The following FNBP4 variants were observed in gnomAD, a reference collection of about 807,000 sequenced individuals.
The protein encoded by FNBP4 is formin binding protein 4.
Under a neutral mutation model 119.3 loss-of-function variants are expected in FNBP4, and 34 were observed. That is an observed-to-expected ratio of 0.28 (90% CI 0.22 to 0.38). FNBP4 has a LOEUF of 0.38. FNBP4 is among the 10% of genes least tolerant of loss of function. The pLI, the probability that FNBP4 is intolerant of heterozygous loss-of-function variation, is 1.00. For missense variants in FNBP4, 1,112 were observed against 1,228.9 expected (o/e 0.90, Z 1.42); for synonymous variants, 462 against 430.6 (o/e 1.07, Z -0.90).
In FNBP4 at chr11:47,745,940, C is replaced by T; in HGVS notation, c.1245+116G>A. On this transcript the variant is annotated intron_variant, in intron 7 of 16. Coordinates refer to ENST00000263773, the MANE Select transcript of FNBP4 (RefSeq NM_015308.5). ...TTTTGCTGCATAAGCTTCAACATACCTAGATGATGGGATAAGAAAAACAAA... is the reference window on the plus strand; with the variant it reads ...TTTTGCTGCATAAGCTTCAACATACTTAGATGATGGGATAAGAAAAACAAA... 3.3e-6 allele frequency: 3 copies of T among 896,350 alleles called. No individual in the cohort carries two copies. The South Asian group carries it at 5.4e-5, about 16-fold the overall frequency. The allele number at this position is 896,350 out of a possible 1,614,324, so 55.5% of individuals were successfully genotyped here.
chr11:47,742,966 T>G (rs1035890043), intron 8 of FNBP4, among the ~76,000 whole-genome samples: 1 of 152,106 alleles, frequency 6.6e-6, no homozygotes, highest in African/African-American at 2.4e-5. Context: ...TATTGTTGTT[T>G]TTTTTTTGTT....
At chr11:47,745,927 A>C in intron 7 of FNBP4, 129 bp downstream of exon 7, 5 of 784,370 alleles carry the variant, frequency 6.4e-6, no homozygotes, top group Non-Finnish European at 9.9e-6. Flanking sequence ...TTGCTGCATA[A>C]GCTTCAACAT....
At chr11:47,756,500 G>A (rs147292558) in intron 2 of FNBP4, among the ~76,000 whole-genome samples, 373 of 152,116 alleles carry the variant, frequency 2.5e-3, no homozygotes, top group Middle Eastern at 0.014. Flanking sequence ...CCTTAGTATC[G>A]TAATTCCTGC....
intron 14 of FNBP4, 130 bp downstream of exon 14, chr11:47,723,898 G>C: frequency 1.6e-6 from 1 of 629,530 alleles, no homozygotes. Flanking sequence ...TTTTTTTTAA[G>C]TAAAATAAAT....
chr11:47,755,844 CAT>C (rs2097616525), intron 2 of FNBP4, among the ~76,000 whole-genome samples: 1 of 151,948 alleles, frequency 6.6e-6, no homozygotes, highest in Admixed American at 6.6e-5. Flanking sequence ...AATTAATCTG[CAT>C]AGTTATTTCA....
chr11:47,745,922 G>T, intron 7 of FNBP4, 134 bp downstream of exon 7: 2 of 738,438 alleles, frequency 2.7e-6, no homozygotes, highest in Non-Finnish European at 4.3e-6. Context: ...AGTTTTTGCT[G>T]CATAAGCTTC....
chr11:47,750,785 G>T, intron 6 of FNBP4, 131 bp downstream of exon 6: 1 of 862,956 alleles, frequency 1.2e-6, no homozygotes, highest in Non-Finnish European at 1.7e-6. Context: ...CAGAAACAAA[G>T]TGAAAGTTAT....
chr11:47,761,075 A>G (rs2097633251), intron 2 of FNBP4, among the ~76,000 whole-genome samples: 1 of 152,182 alleles, frequency 6.6e-6, no homozygotes, highest in South Asian at 2.1e-4. Flanking sequence ...CATAGGACAT[A>G]CCTGATTTAT....
Position 47,744,125 on chromosome 11 carries a change from C to A in FNBP4, c.1284G>T (p.Val428=). Residue 428 remains valine (V), a synonymous_variant, in exon 8 of 17, where the codon GTG becomes GTT. Coordinates refer to ENST00000263773, the MANE Select transcript of FNBP4 (RefSeq NM_015308.5). The part of the protein sequence containing the change: ...LRALEEGDGS[V]SGSSPRSDIS... Reference sequence around the variant, plus strand: ...TATCAGAACGTGGACTAGACCCTGACACACTACCATCTCCTTCCTCCAAGG... The same window carrying A: ...TATCAGAACGTGGACTAGACCCTGAAACACTACCATCTCCTTCCTCCAAGG... The A allele has an allele frequency of 6.2e-7, 1 of 1,614,158 alleles. No homozygotes were observed. The highest frequency in any genetic ancestry group is 1.3e-5 in the African/African-American group (1 of 75,044).
At chr11:47,754,010 G>GCCTGGCCAACATGGTGAAAC (rs2097610150) in intron 3 of FNBP4, among the ~76,000 whole-genome samples, 1 of 151,830 alleles carries the variant, frequency 6.6e-6, no homozygotes. Context: ...TTTGAGACCA[G>GCCTGGCCAACATGGTGAAAC]CCTGGCCAAC....
At chr11:47,764,241 C>T (rs978050448) in intron 2 of FNBP4, among the ~76,000 whole-genome samples, 1 of 152,142 alleles carries the variant, frequency 6.6e-6, no homozygotes, top group Admixed American at 6.5e-5. Flanking sequence ...GCCACCATGC[C>T]CAGCTAATTT....
chr11:47,751,427 G>C (rs1371196497), intron 4 of FNBP4, 137 bp from the exon 5 acceptor site: 1 of 943,686 alleles, frequency 1.1e-6, no homozygotes, highest in South Asian at 1.6e-5. Context: ...TGTTGTGGAG[G>C]GGCAATCCTA....
intron 6 of FNBP4, among the ~76,000 whole-genome samples, chr11:47,747,911 G>A (rs1022280176): frequency 1.3e-5 from 2 of 151,350 alleles, no homozygotes; most frequent in Non-Finnish European, 2.9e-5. Flanking sequence ...TCATGCCACT[G>A]TACTCCAGCT....
At chr11:47,752,493 T>A (rs1356334043) in intron 4 of FNBP4, among the ~76,000 whole-genome samples, 1 of 151,092 alleles carries the variant, frequency 6.6e-6, no homozygotes, top group Non-Finnish European at 1.5e-5. Flanking sequence ...AAGGTTAAAG[T>A]CTCTGGGCTT....
intron 2 of FNBP4, among the ~76,000 whole-genome samples, chr11:47,761,267 G>A (rs576764144): frequency 5.3e-4 from 80 of 152,218 alleles, no homozygotes; most frequent in African/African-American, 1.5e-3. Flanking sequence ...GAAAATAAAC[G>A]TTCACATTAT....
intron 2 of FNBP4, among the ~76,000 whole-genome samples, chr11:47,763,591 C>A (rs1430685589): frequency 2.6e-5 from 4 of 151,960 alleles, no homozygotes; most frequent in African/African-American, 9.7e-5. Flanking sequence ...AGCTCCGCCT[C>A]CCGGGTTCAC....
intron 2 of FNBP4, among the ~76,000 whole-genome samples, chr11:47,763,234 C>A (rs561659437): frequency 1.3e-5 from 2 of 151,926 alleles, no homozygotes; most frequent in African/African-American, 4.8e-5. Context: ...GAGTCCAAGG[C>A]GGGTGGATCA....
At chr11:47,746,034 C>T in intron 7 of FNBP4, 22 bp downstream of exon 7, 1 of 1,562,858 alleles carries the variant, frequency 6.4e-7, no homozygotes, top group Non-Finnish European at 8.7e-7. Context: ...AAACATTCTA[C>T]AAGTAACTTT....
Position 47,765,279 on chromosome 11 carries a change from T to C in FNBP4, c.304A>G (p.Lys102Glu). Reference sequence around the variant, plus strand: ...CAAAACAAAAGCATACCTGTTGCTTTAACAGCTGTGGGTCTAGTGGTCATG... The same window carrying C: ...CAAAACAAAAGCATACCTGTTGCTTCAACAGCTGTGGGTCTAGTGGTCATG... ...PVMTTRPTAV[K>E]ATGGLCLLGA... is the part of the protein sequence containing the mutation. The change falls in exon 2 of 17, where the codon AAA becomes GAA. Residue 102 changes from lysine to glutamate, a missense_variant. Coordinates refer to ENST00000263773, the MANE Select transcript of FNBP4 (RefSeq NM_015308.5). The C allele has an allele frequency of 6.2e-7, 1 of 1,606,328 alleles. No homozygotes were observed. The highest frequency in any genetic ancestry group is 2.2e-5 in the East Asian group (1 of 44,678).
Sources: allele counts gnomAD v4.1 joint callset (sites outside exome capture counted in the v4.1 genomes callset), GRCh38; gene constraint gnomAD v4.1.1; transcripts MANE v1.5; gene names NCBI Gene and HGNC (gene_info 2026-07-23, HGNC 2026-07-21).